CTNNA3: variants seen among roughly 807,000 people sequenced by gnomAD.
The protein encoded by CTNNA3 is catenin alpha 3.
In CTNNA3, 76 loss-of-function variants were observed where a neutral mutation model predicts 95.7. The ratio of observed to expected loss-of-function variants is 0.79; its 90% CI spans 0.66 to 0.96. The LOEUF (loss-of-function observed/expected upper bound fraction) is 0.96. Among genes scored for constraint, CTNNA3 ranks in the 40% least tolerant of loss-of-function variants. The pLI, the probability that CTNNA3 is intolerant of heterozygous loss-of-function variation, is 0.00. For synonymous variants in CTNNA3, 431 were observed against 374.4 expected (o/e 1.15, Z -1.74); for missense variants, 1,191 against 1,089.8 (o/e 1.09, Z -1.31).
At position 65,984,764 on chromosome 10, in the gene CTNNA3, A is replaced by G. The variant is rs200107243; in HGVS notation, c.2265+3928T>C. Among the ~76,000 whole-genome samples, 804 of 151,464 alleles carry G rather than the reference A, an allele frequency of 5.3e-3. 8 individuals carry two copies. Among genetic ancestry groups the G allele is most frequent in the East Asian group, 0.024 (123 of 5,172 alleles). On this transcript the variant is annotated intron_variant, in intron 16 of 17. Transcript: ENST00000433211. ...TTCAAAATAAACAGAAAAAAATGGG[A>G]GGAAGCATTCAGTATTTAAAAAGTT...
chr10:67,466,805 C>G (rs1252263916), intron 5 of CTNNA3, among the ~76,000 whole-genome samples: 1 of 152,110 alleles, frequency 6.6e-6, no homozygotes, highest in Admixed American at 6.5e-5. Context: ...TACCACTTTC[C>G]CACTGATTCT....
chr10:65,987,208 C>T (rs913103803), intron 16 of CTNNA3, among the ~76,000 whole-genome samples: 1 of 151,912 alleles, frequency 6.6e-6, no homozygotes, highest in Non-Finnish European at 1.5e-5. Flanking sequence ...TTATATCAAA[C>T]TAAAAAGGTT....
At chr10:65,935,367 C>A (rs1380055771) in intron 17 of CTNNA3, among the ~76,000 whole-genome samples, 1 of 151,990 alleles carries the variant, frequency 6.6e-6, no homozygotes, top group Non-Finnish European at 1.5e-5. Flanking sequence ...TCTTATCGTT[C>A]TGCTTATAAT....
At chr10:65,939,137 C>G (rs1354348029) in intron 17 of CTNNA3, among the ~76,000 whole-genome samples, 1 of 152,092 alleles carries the variant, frequency 6.6e-6, no homozygotes. Flanking sequence ...CATCTCCTGA[C>G]CTCGTGATCC....
chr10:67,298,136 A>G (rs1462835240), intron 5 of CTNNA3, among the ~76,000 whole-genome samples: 1 of 152,212 alleles, frequency 6.6e-6, no homozygotes, highest in African/African-American at 2.4e-5. Context: ...TTACTCCAGG[A>G]GTTTTTCAAG....
chr10:67,407,414 T>C (rs1205931273), intron 5 of CTNNA3, among the ~76,000 whole-genome samples: 3 of 152,128 alleles, frequency 2.0e-5, no homozygotes, highest in Non-Finnish European at 4.4e-5. Flanking sequence ...TGAAGGAACA[T>C]ACCTCTAAAT....
intron 1 of CTNNA3, among the ~76,000 whole-genome samples, chr10:67,731,674 C>T (rs372399929): frequency 2.0e-5 from 3 of 150,358 alleles, no homozygotes; most frequent in South Asian, 2.1e-4. Context: ...TGGTGGTGGG[C>T]GCCTGTAGTC....
intron 1 of CTNNA3, among the ~76,000 whole-genome samples, chr10:67,737,594 G>T (rs921207253): frequency 6.6e-6 from 1 of 152,092 alleles, no homozygotes; most frequent in Non-Finnish European, 1.5e-5. Context: ...AGTGGGCAAA[G>T]GATATGAACA....
At chr10:66,620,987 CTA>C (rs1844725387) in intron 10 of CTNNA3, among the ~76,000 whole-genome samples, 1 of 152,076 alleles carries the variant, frequency 6.6e-6, no homozygotes, top group African/African-American at 2.4e-5. Context: ...TAAAATTTCT[CTA>C]TGTGTATCTT....
intron 10 of CTNNA3, among the ~76,000 whole-genome samples, chr10:66,533,344 A>G (rs1841536698): frequency 6.6e-6 from 1 of 152,148 alleles, no homozygotes; most frequent in East Asian, 1.9e-4. Flanking sequence ...AATCTAGGTC[A>G]GTTTCCTAGA....
chr10:66,480,742 C>T (rs1203554442), intron 11 of CTNNA3, among the ~76,000 whole-genome samples: 1 of 151,986 alleles, frequency 6.6e-6, no homozygotes, highest in African/African-American at 2.4e-5. Flanking sequence ...GTAGCTGGGA[C>T]TACAGGTGCG....
intron 14 of CTNNA3, among the ~76,000 whole-genome samples, chr10:66,093,361 T>C (rs533681214): frequency 6.6e-6 from 1 of 152,184 alleles, no homozygotes; most frequent in South Asian, 2.1e-4. Flanking sequence ...AAACTGTCCT[T>C]TAGACAGCTT....
chr10:66,189,631 CACATAT>C lies in CTNNA3; in HGVS notation c.1885-86388_1885-86383del, dbSNP rs1309219552. Among the ~76,000 whole-genome samples the C allele has an allele frequency of 4.1e-5, 5 of 121,196 alleles. No individual in the cohort carries two copies. The East Asian group carries it at 1.1e-3, about 28-fold the overall frequency. The allele number at this position is 121,196 out of a possible 152,430, so 79.5% of individuals were successfully genotyped here. A position where few individuals can be genotyped will look rare whatever the true frequency, so the allele number is the denominator to read the frequency against. On this transcript the variant is annotated intron_variant, in intron 13 of 17. Coordinates refer to ENST00000433211, the MANE Select transcript of CTNNA3 (RefSeq NM_013266.4). ...ATATATATATATACACACATACACA[CACATAT>C]ACATATATATATACACACACACATA...
intron 16 of CTNNA3, among the ~76,000 whole-genome samples, chr10:65,985,201 G>T (rs1177355899): frequency 1.3e-5 from 2 of 150,736 alleles, no homozygotes; most frequent in Non-Finnish European, 3.0e-5. Context: ...ATTATAAAAA[G>T]AAGCCCAAAA....
intron 7 of CTNNA3, among the ~76,000 whole-genome samples, chr10:66,834,311 G>A (rs771225034): frequency 3.3e-5 from 5 of 152,152 alleles, no homozygotes; most frequent in Admixed American, 6.5e-5. Context: ...AAGATATTAC[G>A]TCCTAAGGGT....
intron 1 of CTNNA3, among the ~76,000 whole-genome samples, chr10:67,695,713 A>G (rs1225157623): frequency 6.6e-6 from 1 of 152,132 alleles, no homozygotes; most frequent in Non-Finnish European, 1.5e-5. Context: ...ACAGTATCCA[A>G]TCGGCTTTTT....
chr10:67,129,545 A>G (rs1859889259), intron 7 of CTNNA3, among the ~76,000 whole-genome samples: 1 of 152,142 alleles, frequency 6.6e-6, no homozygotes, highest in South Asian at 2.1e-4. Context: ...CTACATAAGA[A>G]GCTTTGAAAT....
chr10:66,171,502 C>T (rs545627906), intron 13 of CTNNA3, among the ~76,000 whole-genome samples: 7 of 148,630 alleles, frequency 4.7e-5, no homozygotes, highest in South Asian at 2.2e-4. Flanking sequence ...GCAGAGATCG[C>T]GCCACTGCAC....
chr10:65,918,778 T>G lies in CTNNA3; in HGVS notation c.*1552A>C, dbSNP rs2167709. The G allele has an allele frequency of 3.7e-3, 563 of 152,230 alleles. 4 individuals are homozygous for G. The highest frequency in any genetic ancestry group is 0.013 in the African/African-American group (539 of 41,554). The allele number at this position is 152,230 out of a possible 1,614,324, so 9.4% of individuals were successfully genotyped here. On this transcript the variant is annotated 3_prime_UTR_variant, in exon 18 of 18. Transcript: ENST00000433211. ...TCCTGCATAATTAATAATGACCTATTAAATAGATCCTTCTTTTCCCATACC... is the reference window on the plus strand; with the variant it reads ...TCCTGCATAATTAATAATGACCTATGAAATAGATCCTTCTTTTCCCATACC...
Sources: gnomAD v4.1 joint callset for allele counts (sites outside exome capture counted in the v4.1 genomes callset) on GRCh38, gnomAD v4.1.1 for gene constraint, MANE v1.5 for transcripts, NCBI Gene and HGNC (gene_info 2026-07-23, HGNC 2026-07-21) for gene names.